TVP23C: variants seen among roughly 807,000 people sequenced by gnomAD.
TVP23C encodes the protein trans-golgi network vesicle protein 23 homolog C.
Under a neutral mutation model 28.7 loss-of-function variants are expected in TVP23C, and 19 were observed. The observed-to-expected ratio is 0.66, with a 90% CI of 0.46 to 0.97. The LOEUF is 0.97. TVP23C is among the 50% of genes least tolerant of loss of function. TVP23C has a pLI of 0.00. For missense variants in TVP23C, 186 were observed against 241.3 expected, an observed-to-expected ratio of 0.77 and a Z score of 1.52; for synonymous variants, 68 against 81.7, an observed-to-expected ratio of 0.83 and a Z score of 0.90.
downstream of TVP23C, among the ~76,000 whole-genome samples, chr17:15,534,837 G>A (rs1211520045): frequency 6.6e-6 from 1 of 151,692 alleles, no homozygotes; most frequent in Non-Finnish European, 1.5e-5. Flanking sequence ...GCGTGGTGGT[G>A]GGCACCTGTA....
At chr17:15,558,569 G>A (rs933706798) in intron 1 of TVP23C, among the ~76,000 whole-genome samples, 15 of 148,534 alleles carry the variant, frequency 1.0e-4, no homozygotes, top group African/African-American at 3.4e-4. Context: ...CCTTACAAGG[G>A]AAACAAAGGA....
rs192677215 is a variant in TVP23C at position 15,558,195 on chromosome 17, G to T, written c.13-2831C>A. ...TAAAAAGCTGAGGCCTTCTGCTCTC[G>T]ATCCCAACAGTCTAATCGCCATCCA... On this transcript the variant is annotated intron_variant, in intron 1 of 5. Transcript: ENST00000518321. Among the ~76,000 whole-genome samples, 504 of 147,376 alleles carry T rather than the reference G, an allele frequency of 3.4e-3. 12 individuals are homozygous for T. Among genetic ancestry groups the T allele is most frequent in the African/African-American group, 0.012 (481 of 41,014 alleles).
intron 3 of TVP23C, among the ~76,000 whole-genome samples, chr17:15,552,889 C>A (rs1167355048): frequency 7.3e-5 from 11 of 150,102 alleles, no homozygotes; most frequent in African/African-American, 2.7e-4. Flanking sequence ...ATCTAGAGTC[C>A]ATATTTAATA....
At chr17:15,515,117 TG>T (rs1982168589) in intron 5 of TVP23C, among the ~76,000 whole-genome samples, 1 of 152,050 alleles carries the variant, frequency 6.6e-6, no homozygotes, top group Non-Finnish European at 1.5e-5. Flanking sequence ...ACAGTGGGCA[TG>T]GCCCTGAGTC....
downstream of TVP23C, among the ~76,000 whole-genome samples, chr17:15,533,616 C>T (rs116788015): frequency 0.011 from 1,706 of 152,188 alleles, 35 homozygotes; most frequent in African/African-American, 0.039. Context: ...AACAGATCTG[C>T]GGTTGAATCG....
chr17:15,555,848 C>T (rs1359908337), intron 1 of TVP23C, among the ~76,000 whole-genome samples: 6 of 152,102 alleles, frequency 3.9e-5, no homozygotes, highest in South Asian at 2.1e-4. Flanking sequence ...CATGCCTCCT[C>T]GGGGATTTGT....
At chr17:15,523,019 T>C (rs1193371402) in intron 5 of TVP23C, among the ~76,000 whole-genome samples, 1 of 152,176 alleles carries the variant, frequency 6.6e-6, no homozygotes, top group Non-Finnish European at 1.5e-5. Flanking sequence ...AGAATTTTTT[T>C]TTTTTTTGGA....
intron 5 of TVP23C, among the ~76,000 whole-genome samples, chr17:15,517,896 G>C (rs905592277): frequency 4.6e-5 from 7 of 152,168 alleles, no homozygotes; most frequent in Non-Finnish European, 8.8e-5. Context: ...GCCAGATGCG[G>C]TGGCTCACAC....
In TVP23C at chr17:15,539,539, C is replaced by T. The variant is rs770784642; in HGVS notation, c.*873G>A. The T allele has an allele frequency of 3.1e-5, 22 of 714,412 alleles. No individual in the cohort carries two copies. Among genetic ancestry groups the T allele is most frequent in the Non-Finnish European group, 3.8e-5 (22 of 584,328 alleles). The allele number at this position is 714,412 out of a possible 1,614,324, so 44.3% of individuals were successfully genotyped here. On this transcript the variant is annotated 3_prime_UTR_variant, in exon 6 of 6. Coordinates refer to ENST00000518321, the MANE Select transcript of TVP23C (RefSeq NM_001135036.2). ...AATGGCGTGAACCCGGGAGGCGGAG[C>T]TTGCAGTAAGCCGAGATCACGCCAC...
At chr17:15,542,539 C>T (rs1461219402) in intron 5 of TVP23C, among the ~76,000 whole-genome samples, 17 of 152,224 alleles carry the variant, frequency 1.1e-4, no homozygotes, top group African/African-American at 2.4e-4. Flanking sequence ...TGCGGTGGCA[C>T]GATCTCAGCT....
At chr17:15,506,994 G>T in intron 5 of TVP23C, 1 of 1,297,646 alleles carries the variant, frequency 7.7e-7, no homozygotes, top group East Asian at 2.7e-5. Context: ...GCACTGGAGA[G>T]AAAGGATTTG....
chr17:15,511,053 CA>C (rs58794054), intron 5 of TVP23C, among the ~76,000 whole-genome samples: 1,280 of 83,332 alleles, frequency 0.015, 11 homozygotes, highest in African/African-American at 0.04. Context: ...GACTTCGTCT[CA>C]AAAAAAAAAA....
chr17:15,504,711 T>G (rs530352931), intron 5 of TVP23C, among the ~76,000 whole-genome samples: 1 of 152,174 alleles, frequency 6.6e-6, no homozygotes, highest in East Asian at 1.9e-4. Context: ...TTTTTAAAAT[T>G]TTTTTGTAGA....
At chr17:15,532,488 C>T (rs1445981732), downstream of TVP23C, among the ~76,000 whole-genome samples, 2 of 152,170 alleles carry the variant, frequency 1.3e-5, no homozygotes, top group Non-Finnish European at 2.9e-5. Context: ...CTCAAGGTTG[C>T]TGATTTTCAA....
intron 5 of TVP23C, among the ~76,000 whole-genome samples, chr17:15,505,711 G>C (rs942047044): frequency 6.6e-6 from 1 of 152,212 alleles, no homozygotes; most frequent in Admixed American, 6.5e-5. Flanking sequence ...AGGGGCGAGC[G>C]GGAACCGGGG....
At chr17:15,518,912 G>A (rs1982350512) in intron 5 of TVP23C, among the ~76,000 whole-genome samples, 2 of 152,142 alleles carry the variant, frequency 1.3e-5, no homozygotes, top group African/African-American at 2.4e-5. Context: ...GCGGGTGACT[G>A]CATCATGGGA....
At chr17:15,528,361 G>T (rs1028641777) in intron 5 of TVP23C, among the ~76,000 whole-genome samples, 24 of 151,558 alleles carry the variant, frequency 1.6e-4, no homozygotes, top group Non-Finnish European at 2.5e-4. Flanking sequence ...TGACCCACTG[G>T]TTATTTAGCA....
intron 3 of TVP23C, among the ~76,000 whole-genome samples, chr17:15,550,836 T>C (rs1983852640): frequency 6.6e-6 from 1 of 152,192 alleles, no homozygotes; most frequent in Non-Finnish European, 1.5e-5. Context: ...TCTTTTGTTT[T>C]TTCTAATGTC....
intron 5 of TVP23C, among the ~76,000 whole-genome samples, chr17:15,529,592 T>C: frequency 6.6e-6 from 1 of 152,220 alleles, no homozygotes; most frequent in East Asian, 1.9e-4. Flanking sequence ...CTTTTACCAA[T>C]GTGTGATGTC....
Sources: allele counts gnomAD v4.1 joint callset (sites outside exome capture counted in the v4.1 genomes callset), GRCh38; gene constraint gnomAD v4.1.1; transcripts MANE v1.5; gene names NCBI Gene and HGNC (gene_info 2026-07-23, HGNC 2026-07-21).